The following TSPAN9 variants were observed in gnomAD, a reference collection of about 807,000 sequenced individuals.
TSPAN9 encodes tetraspanin-9.
Under a neutral mutation model 31.0 loss-of-function variants are expected in TSPAN9, and 16 were observed. The observed-to-expected ratio is 0.52, with a 90% confidence interval of 0.35 to 0.78. The LOEUF (loss-of-function observed/expected upper bound fraction) is 0.78. Ranked by LOEUF, TSPAN9 falls within the 30% of genes least tolerant of loss-of-function variation. TSPAN9 has a pLI of 0.01. For synonymous variants in TSPAN9, 145 were observed against 121.6 expected (o/e 1.19, Z -1.27); for missense variants, 272 against 312.5 (o/e 0.87, Z 0.98).
intron 2 of TSPAN9, among the ~76,000 whole-genome samples, chr12:3,097,444 C>T (rs1007603922): frequency 9.2e-5 from 14 of 152,154 alleles, no homozygotes; most frequent in Non-Finnish European, 2.1e-4. Context: ...TGTTAAAAAG[C>T]GAGGCTCCAG....
chr12:3,227,316 C>T (rs573856653), intron 3 of TSPAN9, among the ~76,000 whole-genome samples: 6 of 152,280 alleles, frequency 3.9e-5, no homozygotes, highest in South Asian at 2.1e-4. Flanking sequence ...ACCAGGGCTG[C>T]GCAGCCTGGG....
At chr12:3,231,435 T>C (rs2098390707) in intron 3 of TSPAN9, among the ~76,000 whole-genome samples, 1 of 152,212 alleles carries the variant, frequency 6.6e-6, no homozygotes, top group Non-Finnish European at 1.5e-5. Context: ...AGGCTGGACC[T>C]GGCCCCAGCC....
At position 3,274,702 on chromosome 12, in the gene TSPAN9, T is replaced by C. The variant is rs115117606; in HGVS notation, c.64-3719T>C. ...GAGGCGTGACCTTTGTGTTTTCTTC[T>C]TGCCGGGAGGCTCTGTTAGTGTTGG... On this transcript the variant is annotated intron_variant, in intron 3 of 8. Transcript: ENST00000011898. Among the ~76,000 whole-genome samples the C allele has an allele frequency of 4.4e-3, 663 of 152,362 alleles. 6 individuals are homozygous for C. Among genetic ancestry groups the C allele is most frequent in the African/African-American group, 0.015 (615 of 41,598 alleles).
At chr12:3,167,957 T>C (rs2098349442) in intron 2 of TSPAN9, among the ~76,000 whole-genome samples, 1 of 152,190 alleles carries the variant, frequency 6.6e-6, no homozygotes, top group Non-Finnish European at 1.5e-5. Context: ...TGGGTCTTAT[T>C]CTGCAGGGTC....
At chr12:3,257,294 G>A (rs12316800) in intron 3 of TSPAN9, among the ~76,000 whole-genome samples, 1,893 of 151,794 alleles carry the variant, frequency 0.012, 45 homozygotes, top group African/African-American at 0.043. Context: ...TTTTTCCTTC[G>A]TGCACCTTGG....
intron 2 of TSPAN9, among the ~76,000 whole-genome samples, chr12:3,131,752 TA>T (rs1459346182): frequency 6.6e-6 from 1 of 150,906 alleles, no homozygotes; most frequent in Non-Finnish European, 1.5e-5. Context: ...CGCAATTTTT[TA>T]AAAACATTTT....
chr12:3,119,889 G>A (rs926760032), intron 2 of TSPAN9, among the ~76,000 whole-genome samples: 1 of 152,138 alleles, frequency 6.6e-6, no homozygotes, highest in Non-Finnish European at 1.5e-5. Context: ...AAGGGCACGG[G>A]CCTGGCCGCC....
intron 3 of TSPAN9, among the ~76,000 whole-genome samples, chr12:3,259,227 A>G (rs527407355): frequency 6.6e-6 from 1 of 152,318 alleles, no homozygotes; most frequent in East Asian, 1.9e-4. Flanking sequence ...TTCATAGCCC[A>G]AGTTCCTTCT....
intron 2 of TSPAN9, among the ~76,000 whole-genome samples, chr12:3,151,805 C>G (rs529135204): frequency 6.6e-6 from 1 of 152,218 alleles, no homozygotes; most frequent in Admixed American, 6.5e-5. Context: ...CGCCTGTACT[C>G]CCAGCTACTC....
intron 2 of TSPAN9, among the ~76,000 whole-genome samples, chr12:3,087,992 A>G (rs1009279359): frequency 4.6e-5 from 7 of 152,212 alleles, no homozygotes; most frequent in African/African-American, 1.7e-4. Flanking sequence ...AGTGCCAGGG[A>G]CAGTAGGAGA....
chr12:3,203,381 G>T (rs1298502913), intron 3 of TSPAN9, among the ~76,000 whole-genome samples: 1 of 152,216 alleles, frequency 6.6e-6, no homozygotes, highest in Non-Finnish European at 1.5e-5. Context: ...ACTTGATGGG[G>T]AAGAGAAGTT....
chr12:3,210,216 T>C (rs2098377882), intron 3 of TSPAN9, among the ~76,000 whole-genome samples: 2 of 151,980 alleles, frequency 1.3e-5, no homozygotes, highest in African/African-American at 4.8e-5. Flanking sequence ...TCTGGGTATA[T>C]AGGAGTGTAA....
Position 3,274,364 on chromosome 12 carries a change from G to A in TSPAN9, c.64-4057G>A, listed in dbSNP as rs148953847. On this transcript the variant is annotated intron_variant, in intron 3 of 8. Coordinates refer to ENST00000011898, the MANE Select transcript of TSPAN9 (RefSeq NM_006675.5). Reference sequence around the variant, plus strand: ...AAGTTTTAAAGGAAATTGGGCCTCCGAGAGCTAAAGAATCTTAAGGTCACA... The same window carrying A: ...AAGTTTTAAAGGAAATTGGGCCTCCAAGAGCTAAAGAATCTTAAGGTCACA... Among the ~76,000 whole-genome samples the A allele has an allele frequency of 2.2e-4, 34 of 152,066 alleles. 1 individual carries two copies. The East Asian group carries it at 5.2e-3, about 23-fold the overall frequency.
At chr12:3,094,847 C>CTTTTTTTTTTTTT (rs61154605) in intron 2 of TSPAN9, among the ~76,000 whole-genome samples, 4 of 101,950 alleles carry the variant, frequency 3.9e-5, no homozygotes, top group Non-Finnish European at 5.9e-5. Flanking sequence ...AATCAATAAT[C>CTTTTTTTTTTTTT]TTTTTTTTTT....
chr12:3,106,092 ACG>A (rs200752631), intron 2 of TSPAN9, among the ~76,000 whole-genome samples: 1 of 152,078 alleles, frequency 6.6e-6, no homozygotes, highest in African/African-American at 2.4e-5. Context: ...TTGTGCGCGC[ACG>A]CACACACACA....
rs1005273646 is a variant in TSPAN9, at chr12:3,091,594, A to G, written c.-18+7875A>G. Among the ~76,000 whole-genome samples the G allele has an allele frequency of 5.3e-5, 8 of 152,310 alleles. 1 individual carries two copies. The highest frequency in any genetic ancestry group is 2.6e-4 in the Admixed American group (4 of 15,302). ...GAGATCCGAGGCTGGACCTGATGAA[A>G]TGCACTTTCTCGTGCAGCAGTGTTC... On this transcript the variant is annotated intron_variant, in intron 2 of 8. Coordinates refer to ENST00000011898, the MANE Select transcript of TSPAN9 (RefSeq NM_006675.5).
At chr12:3,233,707 T>C in intron 3 of TSPAN9, among the ~76,000 whole-genome samples, 1 of 152,250 alleles carries the variant, frequency 6.6e-6, no homozygotes, top group South Asian at 2.1e-4. Context: ...GCTGTGAGCA[T>C]CTTTGACTGT....
chr12:3,104,677 T>A (rs2098313427), intron 2 of TSPAN9, among the ~76,000 whole-genome samples: 1 of 152,170 alleles, frequency 6.6e-6, no homozygotes, highest in Non-Finnish European at 1.5e-5. Flanking sequence ...AGCTACCAAG[T>A]GCTTATCGTG....
intron 3 of TSPAN9, chr12:3,206,176 C>T (rs1264550620): frequency 5.0e-6 from 2 of 400,204 alleles, no homozygotes; most frequent in Non-Finnish European, 1.0e-5. Context: ...TGGTGGCAGA[C>T]TCTGTGGCCA....
Sources: allele counts gnomAD v4.1 joint callset (sites outside exome capture counted in the v4.1 genomes callset), GRCh38; gene constraint gnomAD v4.1.1; transcripts MANE v1.5; gene names NCBI Gene and HGNC (gene_info 2026-07-23, HGNC 2026-07-21).